Variants in RIPOR2 observed in about 807,000 individuals in gnomAD.
RIPOR2 encodes the protein rho family-interacting cell polarization regulator 2.
In RIPOR2, 39 loss-of-function variants were observed where a neutral mutation model predicts 114.5. The observed-to-expected ratio is 0.34, with a 90% CI of 0.26 to 0.44. RIPOR2 has a LOEUF of 0.44. RIPOR2 is among the 20% of genes least tolerant of loss of function. The probability of loss-of-function intolerance (pLI) is 1.00; values close to 1 mark genes in which losing one functional copy is unlikely to be tolerated. For missense variants in RIPOR2, 1,007 were observed against 1,255.1 expected (o/e 0.80, Z 2.99); for synonymous variants, 445 against 484.4 (o/e 0.92, Z 1.07).
intron 1 of RIPOR2, among the ~76,000 whole-genome samples, chr6:24,964,552 T>G (rs1212599172): frequency 6.6e-6 from 1 of 152,170 alleles, no homozygotes; most frequent in Non-Finnish European, 1.5e-5. Flanking sequence ...CTGGGAGACA[T>G]TTTGGTTGTT....
intron 14 of RIPOR2, among the ~76,000 whole-genome samples, chr6:24,837,801 T>G (rs1245845586): frequency 4.1e-5 from 6 of 147,254 alleles, no homozygotes; most frequent in Non-Finnish European, 7.5e-5. Context: ...AGTTCTCATG[T>G]TTTTTTTTTT....
At chr6:25,002,525 T>C (rs1775367150) in intron 1 of RIPOR2, among the ~76,000 whole-genome samples, 1 of 152,242 alleles carries the variant, frequency 6.6e-6, no homozygotes. Context: ...AAGTGGAAGC[T>C]TTTTTACTTC....
At chr6:24,900,511 C>T (rs1307727914) in intron 1 of RIPOR2, among the ~76,000 whole-genome samples, 1 of 152,076 alleles carries the variant, frequency 6.6e-6, no homozygotes, top group African/African-American at 2.4e-5. Flanking sequence ...GTAATCCCAG[C>T]ACTTTGGGAG....
At chr6:24,818,901 T>G (rs942057322) in intron 19 of RIPOR2, among the ~76,000 whole-genome samples, 2 of 151,888 alleles carry the variant, frequency 1.3e-5, no homozygotes, top group African/African-American at 4.8e-5. Flanking sequence ...GGGCTTTTAT[T>G]GGCCACCTAA....
At chr6:24,949,599 G>A (rs1386937920) in intron 1 of RIPOR2, among the ~76,000 whole-genome samples, 1 of 152,198 alleles carries the variant, frequency 6.6e-6, no homozygotes, top group Non-Finnish European at 1.5e-5. Flanking sequence ...ATAAAGGTAT[G>A]CCAGCTTGCT....
chr6:24,964,147 C>CTGTGTGTGAGTG (rs145541037), intron 1 of RIPOR2, among the ~76,000 whole-genome samples: 3 of 146,604 alleles, frequency 2.0e-5, no homozygotes, highest in Non-Finnish European at 4.5e-5. Context: ...GACATTGGCT[C>CTGTGTGTGAGTG]TGTGTGTGTG....
intron 15 of RIPOR2, among the ~76,000 whole-genome samples, chr6:24,834,619 G>A (rs971264754): frequency 6.6e-6 from 1 of 151,996 alleles, no homozygotes; most frequent in Non-Finnish European, 1.5e-5. Context: ...CCAGGTGATC[G>A]AGACAGGTCT....
At chr6:24,862,760 T>G (rs929543146) in intron 7 of RIPOR2, among the ~76,000 whole-genome samples, 2 of 151,552 alleles carry the variant, frequency 1.3e-5, no homozygotes, top group Admixed American at 6.6e-5. Context: ...AGGTTAAGAC[T>G]TGAGGACATC....
At chr6:24,946,301 T>C (rs1581854784) in intron 1 of RIPOR2, among the ~76,000 whole-genome samples, 2 of 152,086 alleles carry the variant, frequency 1.3e-5, no homozygotes, top group South Asian at 4.1e-4. Context: ...TCTCAAACTC[T>C]TGACCTCAGG....
Position 24,883,109 on chromosome 6 carries a change from G to A in RIPOR2, c.62-7292C>T, listed in dbSNP as rs1766505377. On this transcript the variant is annotated intron_variant, in intron 1 of 21. Transcript: ENST00000643898. The surrounding 1 kb of genome is among the most constrained non-coding windows in gnomAD (Gnocchi z 4.1). ...TAGATGCTACTGTCTTAACCCTTAT[G>A]GTGTTTTCCTTTTTTAAAAATTTAA... Among the ~76,000 whole-genome samples, 1 of 152,058 alleles carries A rather than the reference G, an allele frequency of 6.6e-6. No homozygotes were observed. The highest frequency in any genetic ancestry group is 2.4e-5 in the African/African-American group (1 of 41,420).
chr6:24,941,276 G>A (rs1009275716), intron 1 of RIPOR2, among the ~76,000 whole-genome samples: 9 of 151,930 alleles, frequency 5.9e-5, no homozygotes, highest in Non-Finnish European at 1.2e-4. Context: ...CAGCAAACGA[G>A]AGTTCTATGG....
intron 1 of RIPOR2, among the ~76,000 whole-genome samples, chr6:24,989,696 A>C (rs1243097954): frequency 6.6e-6 from 1 of 152,086 alleles, no homozygotes; most frequent in Non-Finnish European, 1.5e-5. Flanking sequence ...TGCAAAGTGC[A>C]TTTACTAAGT....
rs748929559 is a variant in RIPOR2, at chr6:24,869,156, A to T, written c.448-9T>A. The T allele has an allele frequency of 6.5e-7, 1 of 1,538,936 alleles. No homozygotes were observed. Among genetic ancestry groups the T allele is most frequent in the East Asian group, 2.3e-5 (1 of 44,298 alleles). ...TCAATTGTTTTAATTTGCTGGAATT[A>T]AAAGAAGTTTGAAAAAGTACAGTCA... is the stretch of plus-strand genomic sequence containing the variant. On this transcript the variant is annotated splice_polypyrimidine_tract_variant and intron_variant, in intron 5 of 21. Transcript: ENST00000643898.
At chr6:24,971,064 T>C (rs191732941) in intron 1 of RIPOR2, among the ~76,000 whole-genome samples, 1 of 152,214 alleles carries the variant, frequency 6.6e-6, no homozygotes, top group Non-Finnish European at 1.5e-5. Context: ...TTTATTATTG[T>C]GGCAGTTGAA....
At chr6:24,957,315 C>T (rs1773084042) in intron 1 of RIPOR2, among the ~76,000 whole-genome samples, 1 of 152,116 alleles carries the variant, frequency 6.6e-6, no homozygotes, top group Admixed American at 6.5e-5. Flanking sequence ...ATCCTCATAG[C>T]AAGACTATGA....
At position 24,825,410 on chromosome 6, in the gene RIPOR2, A is replaced by G; in HGVS notation, c.2684T>C (p.Leu895Pro). 6.4e-7 allele frequency: 1 copy of G among 1,552,100 alleles called. No homozygotes were observed. The highest frequency in any genetic ancestry group is 8.7e-7 in the Non-Finnish European group (1 of 1,146,930). The change falls in exon 19 of 22, where the codon CTG becomes CCG. Residue 895 changes from leucine to proline, a missense_variant. By Grantham distance (98) the Leu-to-Pro change is moderately conservative (BLOSUM62 -3). Transcript: ENST00000643898. ...CAGTTTTTCATCTCTTAGTGATTGC[A>G]GAGTCTGAACCATGGAAACTGGAGG... ...LARQVSMVQT[L>P]QSLRDEKLLQ...
At chr6:24,903,304 A>T (rs1281939329) in intron 1 of RIPOR2, among the ~76,000 whole-genome samples, 1 of 152,228 alleles carries the variant, frequency 6.6e-6, no homozygotes, top group Non-Finnish European at 1.5e-5. Flanking sequence ...CTAGCCTTAG[A>T]AATCACATTC....
intron 1 of RIPOR2, chr6:24,876,906 A>G: frequency 1.1e-6 from 1 of 915,450 alleles, no homozygotes; most frequent in South Asian, 5.0e-5. Context: ...TGCAACTGTT[A>G]GGTAATTCTA....
chr6:24,818,889 G>A (rs984129938), intron 19 of RIPOR2, among the ~76,000 whole-genome samples: 9 of 151,632 alleles, frequency 5.9e-5, no homozygotes, highest in Admixed American at 2.6e-4. Flanking sequence ...CATAATGACC[G>A]TGGGCTTTTA....
Sources: allele counts gnomAD v4.1 joint callset (sites outside exome capture counted in the v4.1 genomes callset), GRCh38; gene constraint gnomAD v4.1.1; non-coding constraint Gnocchi (gnomAD v3.1); transcripts MANE v1.5; gene names NCBI Gene and HGNC (gene_info 2026-07-23, HGNC 2026-07-21).